DIS3: variants seen among roughly 807,000 people sequenced by gnomAD.
DIS3 encodes the protein DIS3 exosome endoribonuclease and 3'-5' exoribonuclease.
DIS3 carries 103 observed loss-of-function variants against 113.0 expected under a neutral mutation model. The ratio of observed to expected loss-of-function variants is 0.91; its 90% CI spans 0.78 to 1.07. The LOEUF is 1.07. DIS3 is among the 50% of genes least tolerant of loss of function. The pLI, the probability that DIS3 is intolerant of heterozygous loss-of-function variation, is 0.00. For synonymous variants in DIS3, 402 were observed against 394.3 expected, an observed-to-expected ratio of 1.02 and a Z score of -0.23; for missense variants, 1,121 against 1,167.1, an observed-to-expected ratio of 0.96 and a Z score of 0.58.
In DIS3 at chr13:72,778,774, A is replaced by G. The variant is rs145862818; in HGVS notation, c.387-394T>C. Among the ~76,000 whole-genome samples, 64 of 152,324 alleles carry G rather than the reference A, an allele frequency of 4.2e-4. No homozygotes were observed. In the East Asian group the frequency reaches 0.011, roughly 25 times the overall value. ...ACTGTAGGTTAATAGCAATTCCTAA[A>G]AGCTACAAATAGTATAATTAGATCA... On this transcript the variant is annotated intron_variant, in intron 2 of 20. Coordinates refer to ENST00000377767, the MANE Select transcript of DIS3 (RefSeq NM_014953.5).
At chr13:72,781,553 A>AC (rs927858275) in intron 1 of DIS3, 52 bp downstream of exon 1, 261 of 1,468,836 alleles carry the variant, frequency 1.8e-4, no homozygotes, top group Non-Finnish European at 2.3e-4. Context: ...TCCCTGTCAT[A>AC]CCCCCTTGTC....
chr13:72,761,256 A>G (rs2033615853), intron 19 of DIS3, 107 bp downstream of exon 19: 1 of 1,393,654 alleles, frequency 7.2e-7, no homozygotes, highest in African/African-American at 1.5e-5. Flanking sequence ...ATCAGGATAA[A>G]TTCTTCAGGG....
intron 8 of DIS3, 117 bp downstream of exon 8, chr13:72,773,567 T>C (rs887147764): frequency 3.4e-6 from 4 of 1,162,158 alleles, no homozygotes; most frequent in Non-Finnish European, 4.7e-6. Flanking sequence ...TTGTGAAATA[T>C]CTCTAAATTT....
At chr13:72,777,533 T>C (rs1445575296) in intron 3 of DIS3, 40 bp from the exon 4 acceptor site, 4 of 1,576,280 alleles carry the variant, frequency 2.5e-6, no homozygotes, top group African/African-American at 2.7e-5. Context: ...TAAGTGTTTT[T>C]TCCTTAGATA....
At position 72,759,836 on chromosome 13, in the gene DIS3, G is replaced by T; in HGVS notation, c.2836C>A (p.Leu946Ile). ...SIPTDTSNMD[L>I]NGPKKKKMKL... Reference sequence around the variant, plus strand: ...ATCTTCTTTTTCTTTGGTCCATTAAGGTCCATGTTTGAAGTATCAGTAGGA... The same window carrying T: ...ATCTTCTTTTTCTTTGGTCCATTAATGTCCATGTTTGAAGTATCAGTAGGA... Residue 946 changes from leucine to isoleucine, a missense_variant, in exon 21 of 21, where the codon CTT (leucine) becomes ATT (isoleucine). Around this residue, in one of 3 missense-constraint regions of DIS3, gnomAD observed 861 missense variants for 915.5 expected, o/e 0.94. Coordinates refer to ENST00000377767, the MANE Select transcript of DIS3 (RefSeq NM_014953.5). The T allele has an allele frequency of 6.2e-7, 1 of 1,613,168 alleles. No individual in the cohort carries two copies. Among genetic ancestry groups the T allele is most frequent in the Middle Eastern group, 1.7e-4 (1 of 6,036 alleles).
At position 72,753,579 on chromosome 13, in the gene DIS3, CAT is replaced by C. The variant is rs2033340997; in HGVS notation, c.*6214_*6215del. The C allele has an allele frequency of 4.5e-6, 5 of 1,122,612 alleles. No individual in the cohort carries two copies. The South Asian group carries it at 4.9e-5, about 11-fold the overall frequency. The allele number at this position is 1,122,612 out of a possible 1,614,324, so 69.5% of individuals were successfully genotyped here. On this transcript the variant is annotated 3_prime_UTR_variant, in exon 21 of 21. Coordinates refer to ENST00000377767, the MANE Select transcript of DIS3 (RefSeq NM_014953.5). ...ATTTTGTTCAACATGATCAATATTA[CAT>C]GTTAGGATCATTCAGATGTAGTGAA...
rs1459964769 is a variant in DIS3 at position 72,761,355 on chromosome 13, T to G, written c.2670+8A>C. The G allele has an allele frequency of 4.4e-6, 7 of 1,594,708 alleles. No individual in the cohort carries two copies. The highest frequency in any genetic ancestry group is 1.4e-5 in the African/African-American group (1 of 73,678). Reference sequence around the variant, plus strand: ...CGGAAAAGAAAACAAACATGAGAAATACCGTACCTCATCATCATAAATAAG... The same window carrying G: ...CGGAAAAGAAAACAAACATGAGAAAGACCGTACCTCATCATCATAAATAAG... On this transcript the variant is annotated splice_region_variant and intron_variant, in intron 19 of 20. Coordinates refer to ENST00000377767, the MANE Select transcript of DIS3 (RefSeq NM_014953.5).
intron 11 of DIS3, among the ~76,000 whole-genome samples, 171 bp from the exon 12 acceptor site, chr13:72,771,316 C>T (rs2033881320): frequency 6.6e-6 from 1 of 152,116 alleles, no homozygotes; most frequent in African/African-American, 2.4e-5. Flanking sequence ...TATAAAAGCA[C>T]TTATACAAAA....
At chr13:72,777,112 A>G (rs900744461) in intron 4 of DIS3, among the ~76,000 whole-genome samples, 9 of 152,104 alleles carry the variant, frequency 5.9e-5, no homozygotes, top group African/African-American at 1.9e-4. Context: ...CTGCCACTTC[A>G]TTTGTCAGCA....
At chr13:72,761,283 A>G in intron 19 of DIS3, 80 bp downstream of exon 19, 1 of 1,492,688 alleles carries the variant, frequency 6.7e-7, no homozygotes, top group Non-Finnish European at 8.9e-7. Context: ...AAATAATTTT[A>G]TGCTTTATAG....
Position 72,781,883 on chromosome 13 carries a change from G to A in DIS3, c.-51C>T, listed in dbSNP as rs768297656. On this transcript the variant is annotated 5_prime_UTR_variant, in exon 1 of 21. Transcript: ENST00000377767. Reference sequence around the variant, plus strand: ...CCCCAGCAGCGCTCTTCCAGCAAAAGGCGTCAATCTAGAATACGCCTAACC... The same window carrying A: ...CCCCAGCAGCGCTCTTCCAGCAAAAAGCGTCAATCTAGAATACGCCTAACC... The A allele has an allele frequency of 8.9e-6, 13 of 1,468,096 alleles. No homozygotes were observed. Among genetic ancestry groups the A allele is most frequent in the Non-Finnish European group, 1.1e-5 (12 of 1,097,996 alleles). 90.9% of individuals were successfully genotyped at this position (1,468,096 alleles called of 1,614,324 possible).
chr13:72,762,137 T>G lies in DIS3; in HGVS notation c.2128A>C (p.Asn710His). 2.5e-6 allele frequency: 4 copies of G among 1,612,674 alleles called. No homozygotes were observed. The highest frequency in any genetic ancestry group is 3.4e-6 in the Non-Finnish European group (4 of 1,179,514). ...EILVKAARSR[N>H]LEIKTDTAKS... ...GCTGTATCAGTCTTAATTTCCAAAT[T>G]CTGTAAACAAAAAGGAGGGAAGAGC... The change falls in exon 17 of 21, where the codon AAT becomes CAT. Residue 710 changes from asparagine (N) to histidine (H), a missense_variant and splice_region_variant. By Grantham distance (68) the Asn-to-His change is moderately conservative. Transcript: ENST00000377767.
chr13:72,770,615 G>A (rs533180743), intron 13 of DIS3, among the ~76,000 whole-genome samples: 163 of 152,260 alleles, frequency 1.1e-3, no homozygotes, highest in Non-Finnish European at 1.9e-3. Context: ...AGGGCCAAAT[G>A]AGTTTTAGTG....
At chr13:72,777,273 T>A in intron 4 of DIS3, 147 bp downstream of exon 4, 1 of 712,658 alleles carries the variant, frequency 1.4e-6, no homozygotes, top group Admixed American at 2.7e-5. Flanking sequence ...AATAAGCCTA[T>A]GACATCCACT....
intron 2 of DIS3, among the ~76,000 whole-genome samples, chr13:72,779,726 C>T (rs2034107373): frequency 7.6e-6 from 1 of 131,306 alleles, no homozygotes; most frequent in South Asian, 2.6e-4. Context: ...CCCCTCAGGG[C>T]ATTTTGTATC....
In DIS3 at chr13:72,763,501, C is replaced by G. The variant is rs28459189; in HGVS notation, c.2077G>C (p.Ala693Pro). ...SEHALLRKHPAPPPSNYEILV... is the reference protein window; with the variant it reads ...SEHALLRKHPPPPPSNYEILV... ...ATTTCATAATTTGATGGAGGTGGAG[C>G]AGGATGTTTTCGAAGCAGAGCATGT... The change falls in exon 16 of 21, where the codon GCT (alanine) becomes CCT (proline). Residue 693 changes from alanine (A) to proline (P), a missense_variant. Around this residue, in one of 3 missense-constraint regions of DIS3, gnomAD observed 861 missense variants for 915.5 expected, o/e 0.94. Coordinates refer to ENST00000377767, the MANE Select transcript of DIS3 (RefSeq NM_014953.5). The G allele has an allele frequency of 6.2e-7, 1 of 1,613,886 alleles. No individual in the cohort carries two copies. Among genetic ancestry groups the G allele is most frequent in the Non-Finnish European group, 8.5e-7 (1 of 1,179,960 alleles).
Position 72,772,194 on chromosome 13 carries a change from G to A in DIS3, c.1468C>T (p.Leu490=). Residue 490 remains leucine, a synonymous_variant, in exon 10 of 21, where the codon CTA becomes TTA. Transcript: ENST00000377767. The stretch of plus-strand genomic sequence containing the variant: ...CCATTTTCGAGTTCTCGACAATGTA[G>A]AGCATCGTCTATATCAGTACATCCT... ...PPGCTDIDDA[L]HCRELENGNL... The A allele has an allele frequency of 6.2e-7, 1 of 1,613,312 alleles. No homozygotes were observed. The highest frequency in any genetic ancestry group is 8.5e-7 in the Non-Finnish European group (1 of 1,179,824).
intron 2 of DIS3, among the ~76,000 whole-genome samples, chr13:72,778,717 T>C (rs557118149): frequency 6.6e-6 from 1 of 152,308 alleles, no homozygotes; most frequent in East Asian, 1.9e-4. Context: ...TATAATACAA[T>C]TTCACAGGTA....
Position 72,781,732 on chromosome 13 carries a change from G to C in DIS3, c.101C>G (p.Pro34Arg). The C allele has an allele frequency of 6.3e-7, 1 of 1,587,144 alleles. No individual in the cohort carries two copies. The highest frequency in any genetic ancestry group is 8.6e-7 in the Non-Finnish European group (1 of 1,167,832). ...CGCCCCTCCACACGCTGCGCACCCG[G>C]GCGCACCGCAGCCGATGTCGTCTCG... ...YLRDDIGCGA[P>R]GCAACGGAHE... The change falls in exon 1 of 21, where the codon CCC (proline) becomes CGC (arginine). Residue 34 changes from proline to arginine, a missense_variant. Physicochemically the swap from Pro to Arg is moderately radical, Grantham distance 103 (BLOSUM62 -2). Around this residue, in one of 3 missense-constraint regions of DIS3, gnomAD observed 254 missense variants for 232.2 expected, o/e 1.09. Transcript: ENST00000377767.
Sources: gnomAD v4.1 joint callset for allele counts (sites outside exome capture counted in the v4.1 genomes callset) on GRCh38, gnomAD v4.1.1 for gene constraint, gnomAD v4.1.1 regional missense constraint, MANE v1.5 for transcripts, NCBI Gene and HGNC (gene_info 2026-07-23, HGNC 2026-07-21) for gene names.